Variants in SPATA16 observed in about 807,000 individuals in gnomAD.
The protein encoded by SPATA16 is spermatogenesis associated 16.
A neutral mutation model predicts 63.3 loss-of-function variants in SPATA16; 36 were observed. The observed-to-expected ratio is 0.57, with a 90% CI of 0.44 to 0.75. The LOEUF (loss-of-function observed/expected upper bound fraction) is 0.75, where lower values mean the gene tolerates loss of function less well. Ranked by LOEUF, SPATA16 falls within the 30% of genes least tolerant of loss-of-function variation. SPATA16 has a pLI of 0.00. For missense variants in SPATA16, 646 were observed against 679.3 expected (o/e 0.95, Z 0.54); for synonymous variants, 203 against 216.7 (o/e 0.94, Z 0.56).
chr3:172,903,788 G>A (rs1408719154), intron 10 of SPATA16, among the ~76,000 whole-genome samples: 5 of 152,222 alleles, frequency 3.3e-5, no homozygotes, highest in African/African-American at 1.2e-4. Flanking sequence ...ATTCAGGGAA[G>A]TGCAGTGGGT....
intron 5 of SPATA16, among the ~76,000 whole-genome samples, chr3:172,967,214 GA>G (rs1222125413): frequency 1.3e-5 from 2 of 152,272 alleles, no homozygotes; most frequent in Non-Finnish European, 2.9e-5. Context: ...GAGAGAAAAT[GA>G]AAAGAAATTT....
intron 3 of SPATA16, among the ~76,000 whole-genome samples, chr3:173,048,061 C>T (rs1013720960): frequency 1.4e-4 from 22 of 152,010 alleles, no homozygotes; most frequent in Non-Finnish European, 2.6e-4. Context: ...TTAATATAAC[C>T]GATAATCATG....
At chr3:172,981,033 A>G (rs956170193) in intron 4 of SPATA16, among the ~76,000 whole-genome samples, 2 of 151,940 alleles carry the variant, frequency 1.3e-5, no homozygotes, top group African/African-American at 4.8e-5. Context: ...TAATGGTTCA[A>G]TTTTCAGTCT....
intron 4 of SPATA16, among the ~76,000 whole-genome samples, chr3:173,014,539 T>C (rs1300142208): frequency 1.3e-5 from 2 of 152,246 alleles, no homozygotes; most frequent in Non-Finnish European, 2.9e-5. Flanking sequence ...CAGTGTCATG[T>C]AATATACTCA....
At chr3:173,035,855 G>A (rs961892468) in intron 3 of SPATA16, among the ~76,000 whole-genome samples, 1 of 151,948 alleles carries the variant, frequency 6.6e-6, no homozygotes, top group Non-Finnish European at 1.5e-5. Context: ...GCAAAAGCAT[G>A]GTAGGGAAAA....
chr3:173,001,716 C>A (rs940234009), intron 4 of SPATA16, among the ~76,000 whole-genome samples: 9 of 152,124 alleles, frequency 5.9e-5, no homozygotes, highest in African/African-American at 2.2e-4. Flanking sequence ...TTCTTTGTAT[C>A]TACTTGTCTG....
At chr3:173,076,598 A>G (rs1341774466) in intron 2 of SPATA16, among the ~76,000 whole-genome samples, 1 of 152,104 alleles carries the variant, frequency 6.6e-6, no homozygotes, top group South Asian at 2.1e-4. Flanking sequence ...AAATTATTTT[A>G]AACAGCTGAG....
intron 3 of SPATA16, among the ~76,000 whole-genome samples, chr3:173,038,715 T>C (rs566063371): frequency 2.6e-5 from 4 of 152,248 alleles, no homozygotes; most frequent in African/African-American, 9.6e-5. Context: ...ATCGAGCAAA[T>C]GTGCTCAGGA....
intron 2 of SPATA16, among the ~76,000 whole-genome samples, chr3:173,116,089 A>G (rs1737892317): frequency 6.6e-6 from 1 of 152,090 alleles, no homozygotes; most frequent in Non-Finnish European, 1.5e-5. Context: ...ATAGGGTCTC[A>G]CTATGTTACC....
chr3:173,094,224 A>G (rs916822783), intron 2 of SPATA16, among the ~76,000 whole-genome samples: 2 of 152,014 alleles, frequency 1.3e-5, no homozygotes, highest in Admixed American at 6.6e-5. Context: ...TTTTCTGTAT[A>G]TTTTGTCCAA....
At chr3:173,033,160 C>G (rs1024207898) in intron 3 of SPATA16, among the ~76,000 whole-genome samples, 1 of 151,968 alleles carries the variant, frequency 6.6e-6, no homozygotes, top group African/African-American at 2.4e-5. Context: ...AAAACAATTC[C>G]CAAGAAAAAA....
chr3:172,922,920 T>TCAAAAAA (rs145285802), intron 8 of SPATA16, among the ~76,000 whole-genome samples: 1 of 151,402 alleles, frequency 6.6e-6, no homozygotes, highest in Non-Finnish European at 1.5e-5. Flanking sequence ...AGACTCTGCC[T>TCAAAAAA]CAAAAAACAA....
At chr3:172,956,926 T>C (rs978525753) in intron 5 of SPATA16, 102 bp from the exon 6 acceptor site, 6 of 1,350,522 alleles carry the variant, frequency 4.4e-6, no homozygotes, top group Non-Finnish European at 6.2e-6. Context: ...AAAATCTATA[T>C]ACTGTACTGC....
In SPATA16 at chr3:172,915,405, G is replaced by A. The variant is rs550590616; in HGVS notation, c.1503+912C>T. Among the ~76,000 whole-genome samples, 15 of 152,032 alleles carry A rather than the reference G, an allele frequency of 9.9e-5. No individual in the cohort carries two copies. In the South Asian group the frequency reaches 2.9e-3, roughly 29 times the overall value. ...AATCTTAAAAAGCTCAAAGGGGGAGGGTTTCTTTAGTCATCTGAAAATTAC... is the reference window on the plus strand; with the variant it reads ...AATCTTAAAAAGCTCAAAGGGGGAGAGTTTCTTTAGTCATCTGAAAATTAC... On this transcript the variant is annotated intron_variant, in intron 9 of 10. Transcript: ENST00000351008.
chr3:173,102,646 C>A lies in SPATA16; in HGVS notation c.612+14474G>T, dbSNP rs115544491. Among the ~76,000 whole-genome samples, 1,503 of 152,288 alleles carry A rather than the reference C, an allele frequency of 9.9e-3. 8 individuals carry two copies. The highest frequency in any genetic ancestry group is 0.016 in the Non-Finnish European group (1,104 of 68,006). On this transcript the variant is annotated intron_variant, in intron 2 of 10. Coordinates refer to ENST00000351008, the MANE Select transcript of SPATA16 (RefSeq NM_031955.6). ...CACTTCCAGTACCCAAACACCTCCCCCCAGGCCCCACTTCCAACTTTAGGG... is the reference window on the plus strand; with the variant it reads ...CACTTCCAGTACCCAAACACCTCCCACCAGGCCCCACTTCCAACTTTAGGG...
chr3:172,899,336 G>A (rs145177455), intron 10 of SPATA16, among the ~76,000 whole-genome samples: 4 of 151,910 alleles, frequency 2.6e-5, no homozygotes, highest in African/African-American at 7.2e-5. Context: ...ACTTAGAATC[G>A]CTTTGTCTTT....
At chr3:172,965,564 C>T (rs1733898431) in intron 5 of SPATA16, among the ~76,000 whole-genome samples, 1 of 152,072 alleles carries the variant, frequency 6.6e-6, no homozygotes, top group Non-Finnish European at 1.5e-5. Flanking sequence ...TCTTGCCTCC[C>T]CGTAATTTCT....
In SPATA16 at chr3:173,117,121, T is replaced by C. The variant is rs768914085; in HGVS notation, c.611A>G (p.Glu204Gly). The C allele has an allele frequency of 1.2e-6, 2 of 1,614,000 alleles. No individual in the cohort carries two copies. Among genetic ancestry groups the C allele is most frequent in the Non-Finnish European group, 1.7e-6 (2 of 1,179,900 alleles). The change falls in exon 2 of 11, where the codon GAG (glutamate) becomes GGG (glycine). Residue 204 changes from glutamate to glycine, a missense_variant and splice_region_variant. Physicochemically the swap from Glu to Gly is moderately conservative, Grantham distance 98. Coordinates refer to ENST00000351008, the MANE Select transcript of SPATA16 (RefSeq NM_031955.6). ...TCTATATTTTCTTTAATCCCATACCTCAAGTGCTGTTCTGAACTGTCCTGC... is the reference window on the plus strand; with the variant it reads ...TCTATATTTTCTTTAATCCCATACCCCAAGTGCTGTTCTGAACTGTCCTGC... The part of the protein sequence containing the change: ...LAAGQFRTAL[E>G]LCSKGAVLGE...
At chr3:173,021,198 T>A (rs185674112) in intron 3 of SPATA16, among the ~76,000 whole-genome samples, 191 of 152,346 alleles carry the variant, frequency 1.3e-3, no homozygotes, top group African/African-American at 4.3e-3. Flanking sequence ...CTTAGCTCAC[T>A]TCAAACACAA....
Sources: allele counts gnomAD v4.1 joint callset (sites outside exome capture counted in the v4.1 genomes callset), GRCh38; gene constraint gnomAD v4.1.1; transcripts MANE v1.5; gene names NCBI Gene and HGNC (gene_info 2026-07-23, HGNC 2026-07-21).